ZNF385B: variants seen among roughly 807,000 people sequenced by gnomAD.
ZNF385B encodes zinc finger protein 533.
A neutral mutation model predicts 39.2 loss-of-function variants in ZNF385B; 23 were observed. That is an observed-to-expected ratio of 0.59 (90% CI 0.42 to 0.83). The LOEUF (loss-of-function observed/expected upper bound fraction) is 0.83. ZNF385B is among the 40% of genes least tolerant of loss of function. The pLI is 0.00. For missense variants in ZNF385B, 552 were observed against 598.9 expected (o/e 0.92, Z 0.82); for synonymous variants, 205 against 222.6 (o/e 0.92, Z 0.70).
intron 3 of ZNF385B, among the ~76,000 whole-genome samples, chr2:179,559,644 T>TC (rs201275652): frequency 2.0e-5 from 3 of 151,442 alleles, no homozygotes; most frequent in African/African-American, 7.3e-5. Context: ...ACTGTCGGGT[T>TC]TTTTTTAATA....
At chr2:179,643,177 T>C (rs1186759495) in intron 3 of ZNF385B, among the ~76,000 whole-genome samples, 1 of 151,972 alleles carries the variant, frequency 6.6e-6, no homozygotes, top group East Asian at 1.9e-4. Flanking sequence ...AGCAACAAGA[T>C]TTTGAATAAC....
At chr2:179,485,751 G>A (rs2054499720) in intron 5 of ZNF385B, among the ~76,000 whole-genome samples, 1 of 152,082 alleles carries the variant, frequency 6.6e-6, no homozygotes, top group Non-Finnish European at 1.5e-5. Context: ...TGATTCTGCT[G>A]TGTTATTTCT....
intron 5 of ZNF385B, among the ~76,000 whole-genome samples, chr2:179,517,511 T>C (rs1475710707): frequency 6.7e-6 from 1 of 149,946 alleles, no homozygotes; most frequent in Non-Finnish European, 1.5e-5. Flanking sequence ...AAACATCTCT[T>C]TTCCAATGAC....
chr2:179,608,703 GA>G (rs1460841825), intron 3 of ZNF385B, among the ~76,000 whole-genome samples: 1 of 152,050 alleles, frequency 6.6e-6, no homozygotes, highest in Non-Finnish European at 1.5e-5. Flanking sequence ...AGGACATCTG[GA>G]AATGGACCTG....
At chr2:179,833,550 T>A (rs1316301711) in intron 1 of ZNF385B, among the ~76,000 whole-genome samples, 1 of 152,170 alleles carries the variant, frequency 6.6e-6, no homozygotes, top group Non-Finnish European at 1.5e-5. Flanking sequence ...ATACCCCTTA[T>A]GCCGTTTGAT....
chr2:179,754,675 C>G (rs955972866), intron 3 of ZNF385B, among the ~76,000 whole-genome samples: 1 of 152,046 alleles, frequency 6.6e-6, no homozygotes, highest in African/African-American at 2.4e-5. Flanking sequence ...TGTATGTGTC[C>G]AGGAATTTAT....
intron 3 of ZNF385B, among the ~76,000 whole-genome samples, chr2:179,607,996 T>A (rs1384177111): frequency 6.7e-6 from 1 of 148,202 alleles, no homozygotes; most frequent in Non-Finnish European, 1.5e-5. Context: ...CTCACTGTAA[T>A]CTCTGCCTCC....
At chr2:179,508,759 A>G (rs1466988710) in intron 5 of ZNF385B, among the ~76,000 whole-genome samples, 1 of 152,146 alleles carries the variant, frequency 6.6e-6, no homozygotes. Context: ...TCTTTTTTTC[A>G]TAACATCATA....
chr2:179,706,212 G>A (rs975879950), intron 3 of ZNF385B, among the ~76,000 whole-genome samples: 19 of 152,202 alleles, frequency 1.2e-4, no homozygotes, highest in African/African-American at 4.3e-4. Context: ...TGGGTTAAAT[G>A]AAGGTTGCCA....
In ZNF385B at chr2:179,837,537, A is replaced by G. The variant is rs540101039; in HGVS notation, c.-155+23564T>C. On this transcript the variant is annotated intron_variant, in intron 1 of 9. Transcript: ENST00000410066. ...AAAACTAAAATGGAATAAGACCAACATGGCCAAGGTCACTAAACAAGTCAG... is the reference window on the plus strand; with the variant it reads ...AAAACTAAAATGGAATAAGACCAACGTGGCCAAGGTCACTAAACAAGTCAG... 2.6e-5 allele frequency among the ~76,000 whole-genome samples: 4 copies of G among 152,372 alleles called. No homozygotes were observed. In the East Asian group the frequency reaches 7.7e-4, roughly 29 times the overall value.
intron 3 of ZNF385B, among the ~76,000 whole-genome samples, chr2:179,654,698 G>A (rs896113258): frequency 6.6e-6 from 1 of 152,112 alleles, no homozygotes; most frequent in Admixed American, 6.5e-5. Flanking sequence ...TCACTGGGAG[G>A]TTCTCAAAGG....
At chr2:179,541,675 C>G (rs2059926749) in intron 4 of ZNF385B, among the ~76,000 whole-genome samples, 1 of 152,110 alleles carries the variant, frequency 6.6e-6, no homozygotes, top group South Asian at 2.1e-4. Flanking sequence ...AATTTGCCAA[C>G]AAGAAATTAT....
At chr2:179,756,603 C>G (rs553223352) in intron 3 of ZNF385B, among the ~76,000 whole-genome samples, 1 of 152,350 alleles carries the variant, frequency 6.6e-6, no homozygotes, top group Non-Finnish European at 1.5e-5. Flanking sequence ...CTCCCCATCA[C>G]TTTCAGGTAC....
At chr2:179,497,270 C>A (rs187134466) in intron 5 of ZNF385B, among the ~76,000 whole-genome samples, 1 of 152,100 alleles carries the variant, frequency 6.6e-6, no homozygotes, top group Non-Finnish European at 1.5e-5. Flanking sequence ...AACACTGTAA[C>A]TGTGGTATGT....
At chr2:179,750,819 A>G (rs148755388) in intron 3 of ZNF385B, among the ~76,000 whole-genome samples, 32 of 152,252 alleles carry the variant, frequency 2.1e-4, no homozygotes, top group African/African-American at 7.5e-4. Context: ...GTAGAAACGC[A>G]ATGATTTGTT....
At chr2:179,830,047 A>G (rs1456997397) in intron 1 of ZNF385B, among the ~76,000 whole-genome samples, 1 of 152,256 alleles carries the variant, frequency 6.6e-6, no homozygotes, top group Admixed American at 6.5e-5. Context: ...ACTGAAAAAG[A>G]GCAAAATGAT....
intron 1 of ZNF385B, among the ~76,000 whole-genome samples, chr2:179,849,482 A>G (rs1708968576): frequency 6.6e-6 from 1 of 152,114 alleles, no homozygotes; most frequent in Non-Finnish European, 1.5e-5. Context: ...TCTCTTCTCT[A>G]ATTTTGGAGA....
At chr2:179,622,834 G>A (rs1187996489) in intron 3 of ZNF385B, among the ~76,000 whole-genome samples, 1 of 152,150 alleles carries the variant, frequency 6.6e-6, no homozygotes, top group Non-Finnish European at 1.5e-5. Context: ...GAGGACAGTG[G>A]TGGCTGGCAG....
intron 3 of ZNF385B, among the ~76,000 whole-genome samples, chr2:179,740,887 T>C (rs1446792346): frequency 6.6e-6 from 1 of 151,934 alleles, no homozygotes; most frequent in Non-Finnish European, 1.5e-5. Context: ...AGATTTAAAA[T>C]GATCAGATTG....
Sources: allele counts gnomAD v4.1 joint callset (sites outside exome capture counted in the v4.1 genomes callset), GRCh38; gene constraint gnomAD v4.1.1; transcripts MANE v1.5; gene names NCBI Gene and HGNC (gene_info 2026-07-23, HGNC 2026-07-21).